ZNF407: variants seen among roughly 807,000 people sequenced by gnomAD.
ZNF407 encodes the protein zinc finger protein 407.
Under a neutral mutation model 131.2 loss-of-function variants are expected in ZNF407, and 17 were observed. The ratio of observed to expected loss-of-function variants is 0.13; its 90% confidence interval spans 0.09 to 0.19. The LOEUF is 0.19. ZNF407 is among the 10% of genes least tolerant of loss of function. The pLI is 1.00. For missense variants in ZNF407, 2,681 were observed against 2,830.6 expected, an observed-to-expected ratio of 0.95 and a Z score of 1.20; for synonymous variants, 1,156 against 1,062.0, an observed-to-expected ratio of 1.09 and a Z score of -1.72.
intron 3 of ZNF407, among the ~76,000 whole-genome samples, chr18:74,726,843 G>T (rs1968169398): frequency 6.6e-6 from 1 of 152,142 alleles, no homozygotes; most frequent in Admixed American, 6.5e-5. Flanking sequence ...CAGTGCTTTG[G>T]GGGCAGTGTC....
At chr18:74,675,442 TG>T (rs1413641370) in intron 3 of ZNF407, among the ~76,000 whole-genome samples, 15 of 152,246 alleles carry the variant, frequency 9.9e-5, no homozygotes, top group African/African-American at 3.4e-4. Flanking sequence ...TTACTGTTTG[TG>T]GCGAATGAAT....
intron 8 of ZNF407, among the ~76,000 whole-genome samples, chr18:75,034,862 G>A (rs781456964): frequency 9.9e-4 from 151 of 152,236 alleles, no homozygotes; most frequent in Non-Finnish European, 1.8e-3. Context: ...CATGTGGGAG[G>A]TTAATGTATA....
intron 1 of ZNF407, among the ~76,000 whole-genome samples, chr18:74,606,058 A>C (rs1332031777): frequency 6.6e-6 from 1 of 152,254 alleles, no homozygotes; most frequent in Non-Finnish European, 1.5e-5. Context: ...CTAACCCTTC[A>C]GATTGTCAGG....
At chr18:74,710,616 T>C (rs1011065775) in intron 3 of ZNF407, among the ~76,000 whole-genome samples, 5 of 152,208 alleles carry the variant, frequency 3.3e-5, no homozygotes, top group Non-Finnish European at 5.9e-5. Flanking sequence ...TGTGGGATCG[T>C]CCACATCACC....
intron 8 of ZNF407, among the ~76,000 whole-genome samples, chr18:74,989,578 A>C (rs923214778): frequency 6.6e-6 from 1 of 152,178 alleles, no homozygotes; most frequent in Non-Finnish European, 1.5e-5. Flanking sequence ...GCGGTGGCTC[A>C]CACCTGTAAT....
intron 4 of ZNF407, among the ~76,000 whole-genome samples, chr18:74,806,856 T>C (rs1408471468): frequency 6.6e-6 from 1 of 152,232 alleles, no homozygotes; most frequent in African/African-American, 2.4e-5. Flanking sequence ...GAAGCTATTC[T>C]AGGACTATGA....
rs549095538 is a variant in ZNF407 at position 74,975,102 on chromosome 18, A to G, written c.5428+54410A>G. Among the ~76,000 whole-genome samples, 7 of 152,340 alleles carry G rather than the reference A, an allele frequency of 4.6e-5. No individual in the cohort carries two copies. In the South Asian group the frequency reaches 1.2e-3, roughly 27 times the overall value. ...GCGTAATTCTGAACTCATTTGAGTA[A>G]TGTACATTTAGCATAAGCAGAGTTG... On this transcript the variant is annotated intron_variant, in intron 8 of 8. Transcript: ENST00000299687.
intron 4 of ZNF407, among the ~76,000 whole-genome samples, chr18:74,846,767 G>A (rs1970708682): frequency 6.6e-6 from 1 of 151,902 alleles, no homozygotes; most frequent in East Asian, 2.0e-4. Flanking sequence ...GCCGAGGCTG[G>A]CGGAACACGA....
Position 74,800,884 on chromosome 18 carries a change from T to C in ZNF407, c.4877+19382T>C, listed in dbSNP as rs149977421. On this transcript the variant is annotated intron_variant, in intron 4 of 8. Transcript: ENST00000299687. ...ACTTTTATGTCATTTGTCAGGTTAT[T>C]GTTTCAGGATGGAAATAATTATGAC... is the stretch of plus-strand genomic sequence containing the variant. 6.7e-3 allele frequency among the ~76,000 whole-genome samples: 1,023 copies of C among 152,302 alleles called. 10 individuals carry two copies. The highest frequency in any genetic ancestry group is 0.023 in the African/African-American group (968 of 41,578).
At chr18:74,914,370 C>T (rs1971717431) in intron 7 of ZNF407, among the ~76,000 whole-genome samples, 1 of 152,162 alleles carries the variant, frequency 6.6e-6, no homozygotes, top group African/African-American at 2.4e-5. Context: ...TAGCTTTTCT[C>T]TGTGTTGACG....
intron 7 of ZNF407, among the ~76,000 whole-genome samples, chr18:74,896,682 T>C (rs1006986394): frequency 1.3e-5 from 2 of 152,228 alleles, no homozygotes; most frequent in African/African-American, 2.4e-5. Context: ...GCTTGTGTCA[T>C]GATGACACTT....
intron 3 of ZNF407, among the ~76,000 whole-genome samples, chr18:74,759,143 A>G (rs1969033486): frequency 6.6e-6 from 1 of 151,836 alleles, no homozygotes; most frequent in African/African-American, 2.4e-5. Flanking sequence ...ATTTTTTTTC[A>G]ACACTTTGAA....
At chr18:74,764,727 G>T (rs1969189448) in intron 3 of ZNF407, among the ~76,000 whole-genome samples, 1 of 152,140 alleles carries the variant, frequency 6.6e-6, no homozygotes, top group African/African-American at 2.4e-5. Context: ...GTGAAAATCT[G>T]TGTATAACTT....
intron 3 of ZNF407, among the ~76,000 whole-genome samples, chr18:74,646,363 G>A (rs1333535292): frequency 2.0e-5 from 3 of 152,114 alleles, no homozygotes; most frequent in Non-Finnish European, 2.9e-5. Context: ...CTATAATGTG[G>A]CATGAATTAT....
chr18:74,602,424 C>T (rs1005934555), intron 1 of ZNF407, among the ~76,000 whole-genome samples: 3 of 152,082 alleles, frequency 2.0e-5, no homozygotes, highest in Non-Finnish European at 2.9e-5. Flanking sequence ...GTTTGCTTCT[C>T]GAGTATAGCT....
intron 3 of ZNF407, among the ~76,000 whole-genome samples, chr18:74,708,284 A>C (rs1967674233): frequency 6.6e-6 from 1 of 152,238 alleles, no homozygotes. Flanking sequence ...ACTTAGGCTT[A>C]TAATGTATCA....
At chr18:74,607,907 A>G (rs1226487834) in intron 1 of ZNF407, among the ~76,000 whole-genome samples, 1 of 152,214 alleles carries the variant, frequency 6.6e-6, no homozygotes, top group Non-Finnish European at 1.5e-5. Context: ...TCCCAATCAC[A>G]GGCTCTTCCT....
chr18:74,620,993 G>A (rs982561697), intron 1 of ZNF407, among the ~76,000 whole-genome samples: 1 of 152,110 alleles, frequency 6.6e-6, no homozygotes, highest in Non-Finnish European at 1.5e-5. Context: ...AGATTCTAGG[G>A]GTCTATTCAA....
At chr18:74,866,897 T>G (rs1158307225) in intron 4 of ZNF407, among the ~76,000 whole-genome samples, 2 of 144,542 alleles carry the variant, frequency 1.4e-5, no homozygotes, top group Admixed American at 1.4e-4. Flanking sequence ...GTACCTGTAG[T>G]CCCAGCTACT....
Sources: gnomAD v4.1 joint callset for allele counts (sites outside exome capture counted in the v4.1 genomes callset) on GRCh38, gnomAD v4.1.1 for gene constraint, MANE v1.5 for transcripts, NCBI Gene and HGNC (gene_info 2026-07-23, HGNC 2026-07-21) for gene names.